The following TOX3 variants were observed in gnomAD, a reference collection of about 807,000 sequenced individuals.
TOX3 encodes CAG trinucleotide repeat-containing gene F9 protein.
Under a neutral mutation model 64.3 loss-of-function variants are expected in TOX3, and 22 were observed. That is an observed-to-expected ratio of 0.34 (90% CI 0.24 to 0.49). The LOEUF is 0.49. TOX3 is among the 20% of genes least tolerant of loss of function. TOX3 has a pLI of 0.99. For synonymous variants in TOX3, 291 were observed against 273.6 expected (o/e 1.06, Z -0.63); for missense variants, 661 against 714.4 (o/e 0.93, Z 0.85).
At chr16:52,536,832 G>GT (rs1962959263) in intron 1 of TOX3, among the ~76,000 whole-genome samples, 1 of 150,700 alleles carries the variant, frequency 6.6e-6, no homozygotes, top group Non-Finnish European at 1.5e-5. Context: ...TGGAAGTGCA[G>GT]TGGTGTGTGT....
At chr16:52,470,890 A>G (rs549093523) in intron 1 of TOX3, among the ~76,000 whole-genome samples, 1 of 152,328 alleles carries the variant, frequency 6.6e-6, no homozygotes, top group African/African-American at 2.4e-5. Flanking sequence ...ACACTTGCTG[A>G]TCAGGCGGGA....
intron 1 of TOX3, among the ~76,000 whole-genome samples, chr16:52,499,932 A>C (rs1046173214): frequency 1.3e-5 from 2 of 152,246 alleles, no homozygotes; most frequent in Admixed American, 6.5e-5. Flanking sequence ...AACCATGACA[A>C]GCACCAATCT....
chr16:52,544,245 A>C (rs1015391008), intron 1 of TOX3, among the ~76,000 whole-genome samples: 10 of 152,250 alleles, frequency 6.6e-5, no homozygotes, highest in African/African-American at 2.4e-4. Context: ...CTTCAGACAC[A>C]CAAATTAGCT....
intron 1 of TOX3, among the ~76,000 whole-genome samples, chr16:52,530,046 G>A (rs916022403): frequency 2.0e-5 from 3 of 152,148 alleles, no homozygotes; most frequent in Non-Finnish European, 1.5e-5. Flanking sequence ...CTGGATGAAC[G>A]GAAGGAAGCA....
chr16:52,522,023 A>G (rs1490537128), intron 1 of TOX3, among the ~76,000 whole-genome samples: 4 of 152,248 alleles, frequency 2.6e-5, no homozygotes, highest in Admixed American at 2.0e-4. Flanking sequence ...TAACTGGGAC[A>G]TTAATAGTAC....
chr16:52,487,787 T>C (rs911313959), intron 1 of TOX3, among the ~76,000 whole-genome samples: 3 of 152,200 alleles, frequency 2.0e-5, no homozygotes, highest in Non-Finnish European at 4.4e-5. Context: ...CTTGAAACCA[T>C]TGTTCAACAT....
At chr16:52,542,384 C>A (rs1963092912) in intron 1 of TOX3, among the ~76,000 whole-genome samples, 1 of 152,182 alleles carries the variant, frequency 6.6e-6, no homozygotes, top group Admixed American at 6.5e-5. Flanking sequence ...CAAGAATCAG[C>A]ACACAAGCAA....
chr16:52,454,867 A>C (rs1159929707), intron 3 of TOX3, among the ~76,000 whole-genome samples: 1 of 152,232 alleles, frequency 6.6e-6, no homozygotes, highest in Non-Finnish European at 1.5e-5. Flanking sequence ...AGGCCAGAAT[A>C]ATTTTTATAT....
intron 1 of TOX3, among the ~76,000 whole-genome samples, chr16:52,482,408 T>C (rs1212726248): frequency 1.3e-5 from 2 of 152,140 alleles, no homozygotes; most frequent in Non-Finnish European, 2.9e-5. Context: ...TTTACTCACT[T>C]CAGCAAAAAT....
rs138998382 is a variant in TOX3 at position 52,456,273 on chromosome 16, A to G, written c.409-5727T>C. Among the ~76,000 whole-genome samples, 587 of 152,316 alleles carry G rather than the reference A, an allele frequency of 3.9e-3. 5 individuals are homozygous for G. The highest frequency in any genetic ancestry group is 0.014 in the African/African-American group (562 of 41,560). On this transcript the variant is annotated intron_variant, in intron 3 of 6. Transcript: ENST00000219746. ...ATGGACAACCAACCCATCTAAATCA[A>G]TTGCGGACATTTCTATTTAGTTTAA...
chr16:52,537,808 C>T (rs1962987811), intron 1 of TOX3, among the ~76,000 whole-genome samples: 1 of 147,270 alleles, frequency 6.8e-6, no homozygotes, highest in South Asian at 2.1e-4. Context: ...AGAGGCTGAG[C>T]TGTGAGAATG....
chr16:52,522,688 C>A (rs1329560982), intron 1 of TOX3, among the ~76,000 whole-genome samples: 1 of 152,186 alleles, frequency 6.6e-6, no homozygotes, highest in African/African-American at 2.4e-5. Context: ...TTTCATGCAA[C>A]AACAGGGAGA....
rs1269690091 is a variant in TOX3, at chr16:52,475,459, A to G, written c.88-6885T>C. 2.0e-5 allele frequency: 3 copies of G among 152,208 alleles called. No homozygotes were observed. The East Asian group carries it at 5.8e-4, about 29-fold the overall frequency. 9.4% of individuals were successfully genotyped at this position (152,208 alleles called of 1,614,324 possible). A position where few individuals can be genotyped will look rare whatever the true frequency, so the allele number is the denominator to read the frequency against. ...ATGGTAACATTAAGGCTTCTGTGTT[A>G]TAATAAAGTCCCATTTTGAACCCCA... On this transcript the variant is annotated intron_variant, in intron 1 of 6. Transcript: ENST00000219746.
chr16:52,468,271 A>AT (rs1385416377), intron 2 of TOX3, among the ~76,000 whole-genome samples: 1 of 152,114 alleles, frequency 6.6e-6, no homozygotes, highest in Admixed American at 6.6e-5. Context: ...TGTTTGCATT[A>AT]TTTTTTAATC....
intron 1 of TOX3, among the ~76,000 whole-genome samples, chr16:52,499,547 C>T (rs8061860): frequency 0.05 from 7,561 of 152,212 alleles, 498 homozygotes; most frequent in East Asian, 0.19. Flanking sequence ...ATTGATTCTA[C>T]GAATCCACAA....
At chr16:52,442,248 T>C (rs1960017999) in intron 6 of TOX3, among the ~76,000 whole-genome samples, 1 of 152,188 alleles carries the variant, frequency 6.6e-6, no homozygotes, top group South Asian at 2.1e-4. Context: ...GAGTCGTATC[T>C]TAAGGGGGGA....
intron 2 of TOX3, among the ~76,000 whole-genome samples, chr16:52,468,064 T>C (rs1960921391): frequency 6.6e-6 from 1 of 152,208 alleles, no homozygotes; most frequent in African/African-American, 2.4e-5. Flanking sequence ...TATAATACTC[T>C]TCTGTCACAT....
At chr16:52,455,195 AT>A (rs1163504021) in intron 3 of TOX3, among the ~76,000 whole-genome samples, 1 of 152,080 alleles carries the variant, frequency 6.6e-6, no homozygotes, top group Non-Finnish European at 1.5e-5. Context: ...GGAAAAACTC[AT>A]TCTCTCTGCC....
chr16:52,510,493 C>A (rs894283023), intron 1 of TOX3, among the ~76,000 whole-genome samples: 3 of 152,098 alleles, frequency 2.0e-5, no homozygotes, highest in African/African-American at 7.2e-5. Context: ...CGGTGGCTCA[C>A]GCCTGTAATC....
Sources: allele counts gnomAD v4.1 joint callset (sites outside exome capture counted in the v4.1 genomes callset), GRCh38; gene constraint gnomAD v4.1.1; transcripts MANE v1.5; gene names NCBI Gene and HGNC (gene_info 2026-07-23, HGNC 2026-07-21).